STK3: variants seen among roughly 807,000 people sequenced by gnomAD.
STK3 encodes the protein serine/threonine-protein kinase 3.
A neutral mutation model predicts 58.0 loss-of-function variants in STK3; 41 were observed. The observed-to-expected ratio is 0.71, with a 90% confidence interval of 0.55 to 0.92. STK3 has a LOEUF of 0.92. Ranked by LOEUF, STK3 falls within the 40% of genes least tolerant of loss-of-function variation. The probability of loss-of-function intolerance (pLI) is 0.00; values close to 1 mark genes in which losing one functional copy is unlikely to be tolerated. For synonymous variants in STK3, 170 were observed against 191.0 expected (o/e 0.89, Z 0.91); for missense variants, 479 against 602.7 (o/e 0.79, Z 2.15).
chr8:98,790,061 GAGATTCACAGC>G (rs965462242), intron 1 of STK3, among the ~76,000 whole-genome samples: 1 of 144,878 alleles, frequency 6.9e-6, no homozygotes, highest in African/African-American at 2.6e-5. Context: ...CAGGACTAGA[GAGATTCACAGC>G]AGAAGCAGAA....
At chr8:98,394,183 T>C (rs1381350284) in intron 3 of STK3, among the ~76,000 whole-genome samples, 1 of 152,108 alleles carries the variant, frequency 6.6e-6, no homozygotes, top group Admixed American at 6.5e-5. Context: ...CCCAGAGAAG[T>C]GGCTAGAGAA....
chr8:98,820,312 A>C (rs1160273974), intron 1 of STK3, among the ~76,000 whole-genome samples: 5 of 152,168 alleles, frequency 3.3e-5, no homozygotes, highest in African/African-American at 1.2e-4. Context: ...CTGTCTTGAG[A>C]GTAAGTATGC....
At chr8:98,809,074 G>A (rs569166545) in intron 1 of STK3, among the ~76,000 whole-genome samples, 1 of 152,320 alleles carries the variant, frequency 6.6e-6, no homozygotes, top group East Asian at 1.9e-4. Flanking sequence ...CTGAAAGAGT[G>A]ATGCACCCCA....
intron 1 of STK3, among the ~76,000 whole-genome samples, chr8:98,885,818 C>T (rs182233006): frequency 1.3e-5 from 2 of 152,306 alleles, no homozygotes; most frequent in African/African-American, 2.4e-5. Context: ...AAATGTCCTT[C>T]AGTTGGGTGA....
chr8:98,757,720 T>G (rs1367272887), intron 3 of STK3, among the ~76,000 whole-genome samples: 1 of 152,130 alleles, frequency 6.6e-6, no homozygotes, highest in African/African-American at 2.4e-5. Flanking sequence ...TTATCTTTTT[T>G]TTTAAGTAAT....
At chr8:98,884,960 G>C (rs1392017856) in intron 1 of STK3, among the ~76,000 whole-genome samples, 1 of 152,192 alleles carries the variant, frequency 6.6e-6, no homozygotes, top group African/African-American at 2.4e-5. Context: ...AAAACTCAAA[G>C]AACACTGCAA....
At chr8:98,576,475 ATTGATTTGAGGAGTACTGCCATCT>A (rs1225616495) in intron 8 of STK3, among the ~76,000 whole-genome samples, 2 of 152,208 alleles carry the variant, frequency 1.3e-5, no homozygotes, top group Non-Finnish European at 2.9e-5. Context: ...AAATCTGTGA[ATTGATTTGAGGAGTACTGCCATCT>A]TCACAATATA....
intron 1 of STK3, among the ~76,000 whole-genome samples, chr8:98,814,199 C>T (rs1033947401): frequency 6.6e-6 from 1 of 152,010 alleles, no homozygotes; most frequent in Non-Finnish European, 1.5e-5. Context: ...AGGTATCTGC[C>T]ACCATACCTG....
intron 6 of STK3, among the ~76,000 whole-genome samples, chr8:98,629,596 T>C (rs1296352517): frequency 6.6e-6 from 1 of 152,126 alleles, no homozygotes; most frequent in East Asian, 1.9e-4. Flanking sequence ...GAAACAAAGA[T>C]AAAAACTAAA....
chr8:98,516,232 A>C (rs927911302), intron 10 of STK3, among the ~76,000 whole-genome samples: 1 of 152,102 alleles, frequency 6.6e-6, no homozygotes, highest in Non-Finnish European at 1.5e-5. Flanking sequence ...AAGAGGAAAA[A>C]AAAGTATAAA....
the STK3 span, among the ~76,000 whole-genome samples, chr8:98,349,872 C>A: frequency 6.6e-6 from 1 of 152,042 alleles, no homozygotes; most frequent in African/African-American, 2.4e-5. Context: ...CCCATGAAAC[C>A]ATTTTTTTCT....
intron 6 of STK3, among the ~76,000 whole-genome samples, chr8:98,666,713 ATTCTGGTCTCTGGACATG>A (rs1467901431): frequency 6.6e-6 from 1 of 152,164 alleles, no homozygotes; most frequent in Non-Finnish European, 1.5e-5. Context: ...ATTATAAACA[ATTCTGGTCTCTGGACATG>A]AAAAACTAAT....
chr8:98,592,403 A>T (rs1815394065), intron 7 of STK3, among the ~76,000 whole-genome samples: 1 of 152,190 alleles, frequency 6.6e-6, no homozygotes, highest in South Asian at 2.1e-4. Context: ...TACCATATCC[A>T]TTCTTCTACT....
chr8:98,376,998 T>C (rs1586541783), intron 2 of STK3, among the ~76,000 whole-genome samples: 1 of 152,218 alleles, frequency 6.6e-6, no homozygotes, highest in African/African-American at 2.4e-5. Flanking sequence ...CACTGGGCTC[T>C]TTGGTGTTCC....
intron 1 of STK3, among the ~76,000 whole-genome samples, chr8:98,792,310 C>T (rs186981232): frequency 6.6e-6 from 1 of 152,072 alleles, no homozygotes; most frequent in Non-Finnish European, 1.5e-5. Context: ...TTGATGTTGT[C>T]GGGGATGGAG....
chr8:98,384,941 G>T (rs60633348), intron 1 of STK3, among the ~76,000 whole-genome samples: 4,715 of 152,166 alleles, frequency 0.031, 228 homozygotes, highest in African/African-American at 0.1. Flanking sequence ...ATAACATTTG[G>T]AAATTAGCTG....
intron 6 of STK3, among the ~76,000 whole-genome samples, chr8:98,699,437 T>C (rs1226774134): frequency 6.6e-6 from 1 of 152,226 alleles, no homozygotes; most frequent in Non-Finnish European, 1.5e-5. Context: ...GGAGAGGCAC[T>C]CTGCTTTTTA....
At chr8:98,862,940 T>C (rs1836988678) in intron 3 of STK3, among the ~76,000 whole-genome samples, 1 of 152,210 alleles carries the variant, frequency 6.6e-6, no homozygotes, top group African/African-American at 2.4e-5. Context: ...GATTGGCCAA[T>C]TTAGTCTGAG....
chr8:98,644,436 G>A (rs772429598), intron 6 of STK3, among the ~76,000 whole-genome samples: 3 of 152,060 alleles, frequency 2.0e-5, no homozygotes, highest in Non-Finnish European at 4.4e-5. Flanking sequence ...TGTATTGAAT[G>A]CATTTGTTTA....
Sources: allele counts gnomAD v4.1 joint callset (sites outside exome capture counted in the v4.1 genomes callset), GRCh38; gene constraint gnomAD v4.1.1; transcripts MANE v1.5; gene names NCBI Gene and HGNC (gene_info 2026-07-23, HGNC 2026-07-21).